Variants in ROBO1 observed in about 807,000 individuals in gnomAD.
ROBO1 encodes roundabout homolog 1.
In ROBO1, 149 loss-of-function variants were observed where a neutral mutation model predicts 195.9. That is an observed-to-expected ratio of 0.76 (90% CI 0.67 to 0.87). The LOEUF is 0.87. ROBO1 is among the 40% of genes least tolerant of loss of function. ROBO1 has a pLI of 0.00. For synonymous variants in ROBO1, 816 were observed against 733.2 expected, an observed-to-expected ratio of 1.11 and a Z score of -1.82; for missense variants, 1,933 against 2,068.3, an observed-to-expected ratio of 0.93 and a Z score of 1.27.
chr3:79,724,084 C>T (rs1344361176), intron 1 of ROBO1, among the ~76,000 whole-genome samples: 1 of 152,142 alleles, frequency 6.6e-6, no homozygotes, highest in Non-Finnish European at 1.5e-5. Context: ...CTTCGTTGTT[C>T]ACTTGTTCTG....
intron 3 of ROBO1, among the ~76,000 whole-genome samples, chr3:78,978,500 A>G (rs904837451): frequency 6.6e-6 from 1 of 152,134 alleles, no homozygotes; most frequent in Non-Finnish European, 1.5e-5. Flanking sequence ...AGTATTGCCC[A>G]TATTATCCCT....
chr3:79,372,203 C>CT (rs113427698), intron 2 of ROBO1, among the ~76,000 whole-genome samples: 73,376 of 143,062 alleles, frequency 0.51, 18,764 homozygotes, highest in South Asian at 0.6. Flanking sequence ...TTCTAGCATT[C>CT]TTTTTTTTTT....
rs574038560 is a variant in ROBO1 at position 79,103,993 on chromosome 3, G to C, written c.172+21463C>G. Among the ~76,000 whole-genome samples the C allele has an allele frequency of 7.9e-5, 12 of 151,762 alleles. No homozygotes were observed. The East Asian group carries it at 2.3e-3, about 30-fold the overall frequency. On this transcript the variant is annotated intron_variant, in intron 3 of 30. Coordinates refer to ENST00000464233, the MANE Select transcript of ROBO1 (RefSeq NM_002941.4). ...AGGAAAGGGAGGAGGAATATGGCCC[G>C]AACCTCTGCTAAATGGACTGGCTCT...
intron 4 of ROBO1, among the ~76,000 whole-genome samples, chr3:78,879,913 T>C (rs920627301): frequency 6.6e-6 from 1 of 152,192 alleles, no homozygotes; most frequent in African/African-American, 2.4e-5. Context: ...GTTTCCTAGA[T>C]TTGATACCAA....
intron 2 of ROBO1, among the ~76,000 whole-genome samples, chr3:79,536,376 G>A (rs1559972969): frequency 6.6e-6 from 1 of 151,992 alleles, no homozygotes; most frequent in Non-Finnish European, 1.5e-5. Context: ...ATGCACTGTC[G>A]CCTTATGAAA....
At chr3:78,909,854 T>C (rs2038143600) in intron 4 of ROBO1, among the ~76,000 whole-genome samples, 1 of 151,860 alleles carries the variant, frequency 6.6e-6, no homozygotes, top group East Asian at 1.9e-4. Context: ...TGAAATGATA[T>C]AAAAGATAAT....
At chr3:78,918,620 A>C (rs562689718) in intron 4 of ROBO1, among the ~76,000 whole-genome samples, 17 of 152,210 alleles carry the variant, frequency 1.1e-4, no homozygotes, top group Admixed American at 4.6e-4. Flanking sequence ...CTGTTAGAGG[A>C]CAGCCAAAAA....
intron 2 of ROBO1, among the ~76,000 whole-genome samples, chr3:79,329,317 G>T (rs1035648303): frequency 6.6e-6 from 1 of 152,048 alleles, no homozygotes; most frequent in African/African-American, 2.4e-5. Context: ...CAAGTTACTA[G>T]GTAACAGAAC....
intron 14 of ROBO1, among the ~76,000 whole-genome samples, chr3:78,667,039 C>G (rs931622982): frequency 6.6e-6 from 1 of 151,664 alleles, no homozygotes; most frequent in Non-Finnish European, 1.5e-5. Context: ...TGATTTTTTT[C>G]CAAAAATAAA....
intron 2 of ROBO1, among the ~76,000 whole-genome samples, chr3:79,460,977 A>T (rs1048392070): frequency 1.3e-4 from 20 of 151,906 alleles, no homozygotes; most frequent in African/African-American, 1.2e-4. Context: ...TATTTTTATT[A>T]AAAAAAATTA....
At chr3:79,503,489 A>G (rs925970928) in intron 2 of ROBO1, among the ~76,000 whole-genome samples, 4 of 152,200 alleles carry the variant, frequency 2.6e-5, no homozygotes, top group Non-Finnish European at 2.9e-5. Flanking sequence ...ATGAAGTGAT[A>G]CGGCAACTAC....
At chr3:79,145,688 G>T (rs1016855592) in intron 2 of ROBO1, among the ~76,000 whole-genome samples, 3 of 151,930 alleles carry the variant, frequency 2.0e-5, no homozygotes, top group Admixed American at 6.6e-5. Flanking sequence ...ATTGATGGGG[G>T]TCAGACAGTG....
chr3:79,089,947 T>TTC (rs2079445992), intron 3 of ROBO1, among the ~76,000 whole-genome samples: 2 of 151,746 alleles, frequency 1.3e-5, no homozygotes, highest in Admixed American at 6.6e-5. Context: ...TTCTTTTTTT[T>TTC]TTTTTTTTTT....
Position 79,267,371 on chromosome 3 carries a change from T to C in ROBO1, c.89-141832A>G, listed in dbSNP as rs150024726. On this transcript the variant is annotated intron_variant, in intron 2 of 30. Transcript: ENST00000464233. Reference sequence around the variant, plus strand: ...CCCATTTTAGAACAGAAGTGACTTATAAAAATTAAATTACTTAAATTCAGT... The same window carrying C: ...CCCATTTTAGAACAGAAGTGACTTACAAAAATTAAATTACTTAAATTCAGT... 7.9e-5 allele frequency among the ~76,000 whole-genome samples: 12 copies of C among 151,652 alleles called. No individual in the cohort carries two copies. The East Asian group carries it at 2.3e-3, about 29-fold the overall frequency.
At chr3:79,431,187 C>T (rs1160094687) in intron 2 of ROBO1, among the ~76,000 whole-genome samples, 1 of 152,100 alleles carries the variant, frequency 6.6e-6, no homozygotes, top group Non-Finnish European at 1.5e-5. Flanking sequence ...GCGTTAGAGA[C>T]AGAGCACCAG....
At chr3:79,721,059 T>G (rs1261504472) in intron 1 of ROBO1, among the ~76,000 whole-genome samples, 1 of 152,216 alleles carries the variant, frequency 6.6e-6, no homozygotes, top group Non-Finnish European at 1.5e-5. Context: ...CCCAAAGTGC[T>G]GGGATTACAG....
intron 2 of ROBO1, among the ~76,000 whole-genome samples, chr3:79,364,213 C>T (rs898917461): frequency 2.3e-4 from 34 of 145,566 alleles, no homozygotes; most frequent in Admixed American, 2.1e-3. Flanking sequence ...AAAAACAAAA[C>T]GAAACTATAT....
intron 2 of ROBO1, among the ~76,000 whole-genome samples, chr3:79,208,686 C>CGTGT (rs1559736208): frequency 1.3e-4 from 10 of 79,948 alleles, no homozygotes; most frequent in African/African-American, 5.5e-4. Context: ...GGTGGTGGGG[C>CGTGT]ATGTGTGTGT....
chr3:78,893,119 T>C (rs1356392642), intron 4 of ROBO1, among the ~76,000 whole-genome samples: 3 of 152,162 alleles, frequency 2.0e-5, no homozygotes, highest in African/African-American at 7.2e-5. Flanking sequence ...TCTGAATGCT[T>C]TTGTCATAGA....
Sources: gnomAD v4.1 joint callset for allele counts (sites outside exome capture counted in the v4.1 genomes callset) on GRCh38, gnomAD v4.1.1 for gene constraint, MANE v1.5 for transcripts, NCBI Gene and HGNC (gene_info 2026-07-23, HGNC 2026-07-21) for gene names.